The following CDH13 variants were observed in gnomAD, a reference collection of about 807,000 sequenced individuals.
CDH13 encodes the protein cadherin 13.
Under a neutral mutation model 63.8 loss-of-function variants are expected in CDH13, and 24 were observed. That is an observed-to-expected ratio of 0.38 (90% confidence interval 0.27 to 0.53). CDH13 has a LOEUF of 0.53. Among genes scored for constraint, CDH13 ranks in the 20% least tolerant of loss-of-function variants. The pLI is 0.85. For missense variants in CDH13, 1,049 were observed against 903.1 expected, an observed-to-expected ratio of 1.16 and a Z score of -2.07; for synonymous variants, 503 against 355.3, an observed-to-expected ratio of 1.42 and a Z score of -4.67.
In CDH13 at chr16:82,992,465, G is replaced by C. The variant is rs150959466; in HGVS notation, c.158-39545G>C. ...AGACTTTGGGCTCTACGTGCAGAGAGACTGGTTTACAACCAGTCAAGGGGC... is the reference window on the plus strand; with the variant it reads ...AGACTTTGGGCTCTACGTGCAGAGACACTGGTTTACAACCAGTCAAGGGGC... On this transcript the variant is annotated intron_variant, in intron 2 of 13. Coordinates refer to ENST00000567109, the MANE Select transcript of CDH13 (RefSeq NM_001257.5). 2.2e-3 allele frequency among the ~76,000 whole-genome samples: 329 copies of C among 152,264 alleles called. 1 individual carries two copies. Among genetic ancestry groups the C allele is most frequent in the East Asian group, 0.013 (68 of 5,184 alleles).
At chr16:83,591,098 A>G (rs960049766) in intron 7 of CDH13, among the ~76,000 whole-genome samples, 1 of 151,714 alleles carries the variant, frequency 6.6e-6, no homozygotes, top group African/African-American at 2.4e-5. Flanking sequence ...TTTAGTAGAG[A>G]TGGGGGTTCA....
chr16:83,032,416 A>G (rs1916449298), intron 3 of CDH13, 198 bp downstream of exon 3: 1 of 575,280 alleles, frequency 1.7e-6, no homozygotes, highest in Non-Finnish European at 3.1e-6. Context: ...TAATTGAGGC[A>G]TAGTTCGTGG....
At chr16:83,205,828 C>A (rs553469718) in intron 4 of CDH13, among the ~76,000 whole-genome samples, 18 of 152,190 alleles carry the variant, frequency 1.2e-4, no homozygotes, top group African/African-American at 4.1e-4. Context: ...TGGTCTCTAT[C>A]TCCTGACCTT....
chr16:82,775,457 A>C (rs1254610256), intron 1 of CDH13, among the ~76,000 whole-genome samples: 1 of 152,208 alleles, frequency 6.6e-6, no homozygotes, highest in African/African-American at 2.4e-5. Flanking sequence ...CACTCACCCC[A>C]TAGGCTGCAT....
chr16:83,216,871 G>C (rs4445885), intron 4 of CDH13, among the ~76,000 whole-genome samples: 110,965 of 151,486 alleles, frequency 0.73, 41,633 homozygotes, highest in East Asian at 0.92. Flanking sequence ...TGCTTCCTCT[G>C]CACCATGCCT....
At chr16:82,867,207 G>C (rs541485965) in intron 2 of CDH13, among the ~76,000 whole-genome samples, 1 of 152,276 alleles carries the variant, frequency 6.6e-6, no homozygotes, top group African/African-American at 2.4e-5. Flanking sequence ...CTTATAATTG[G>C]TGGTGTCAAA....
At chr16:83,321,013 C>G (rs2090212102) in intron 5 of CDH13, among the ~76,000 whole-genome samples, 1 of 152,174 alleles carries the variant, frequency 6.6e-6, no homozygotes, top group Admixed American at 6.5e-5. Flanking sequence ...CCATGTGATG[C>G]TACCAGGTGA....
chr16:83,522,171 A>G (rs1290525784), intron 7 of CDH13, among the ~76,000 whole-genome samples: 1 of 152,158 alleles, frequency 6.6e-6, no homozygotes, highest in Admixed American at 6.5e-5. Context: ...TTGCGCTTTA[A>G]TGTCATGTTT....
At chr16:83,545,866 T>G (rs1310758244) in intron 7 of CDH13, among the ~76,000 whole-genome samples, 1 of 152,176 alleles carries the variant, frequency 6.6e-6, no homozygotes, top group Non-Finnish European at 1.5e-5. Context: ...ATGGCTCCCT[T>G]TCTTTGAGCG....
intron 1 of CDH13, among the ~76,000 whole-genome samples, chr16:82,708,409 T>C (rs759614995): frequency 7.2e-5 from 11 of 152,186 alleles, no homozygotes; most frequent in East Asian, 1.9e-4. Flanking sequence ...CAGGAGCCTA[T>C]GGAGTTCAGA....
intron 6 of CDH13, among the ~76,000 whole-genome samples, chr16:83,431,241 G>A (rs965709370): frequency 4.0e-5 from 6 of 151,624 alleles, no homozygotes; most frequent in East Asian, 2.0e-4. Flanking sequence ...GGTTGGTTCC[G>A]AGTCTTTGCT....
intron 5 of CDH13, among the ~76,000 whole-genome samples, chr16:83,300,527 A>G (rs1226813266): frequency 6.6e-6 from 1 of 152,228 alleles, no homozygotes; most frequent in African/African-American, 2.4e-5. Context: ...TCTTTCTGCC[A>G]GTTCATGTGT....
At chr16:82,681,998 C>G (rs544184723) in intron 1 of CDH13, among the ~76,000 whole-genome samples, 1 of 152,200 alleles carries the variant, frequency 6.6e-6, no homozygotes, top group African/African-American at 2.4e-5. Context: ...CTGGTTTCTC[C>G]TTCACCTTCC....
chr16:83,635,337 T>C, intron 8 of CDH13, among the ~76,000 whole-genome samples: 4 of 55,164 alleles, frequency 7.3e-5, no homozygotes, highest in South Asian at 1.1e-3. Context: ...TCTTTCTTTT[T>C]TTTTTTTTTT....
chr16:83,121,713 A>T (rs973800662), intron 3 of CDH13, among the ~76,000 whole-genome samples: 1 of 152,158 alleles, frequency 6.6e-6, no homozygotes, highest in African/African-American at 2.4e-5. Context: ...GTCTTCCTTC[A>T]TACAGTTTTA....
intron 2 of CDH13, among the ~76,000 whole-genome samples, chr16:82,893,395 G>A (rs917608205): frequency 6.6e-6 from 1 of 152,250 alleles, no homozygotes; most frequent in East Asian, 1.9e-4. Flanking sequence ...AAAGAACTGA[G>A]TGTGCAAAGC....
chr16:83,764,793 T>C (rs1370096047), intron 11 of CDH13, among the ~76,000 whole-genome samples: 1 of 151,738 alleles, frequency 6.6e-6, no homozygotes, highest in African/African-American at 2.4e-5. Flanking sequence ...CCCTTTACTC[T>C]TGCATCCTGC....
At chr16:82,688,036 C>G (rs75269671) in intron 1 of CDH13, among the ~76,000 whole-genome samples, 88 of 152,282 alleles carry the variant, frequency 5.8e-4, no homozygotes, top group Non-Finnish European at 1.0e-3. Flanking sequence ...ATCTATATGG[C>G]AGCAATGGTT....
At chr16:82,899,103 G>T (rs1053695562) in intron 2 of CDH13, among the ~76,000 whole-genome samples, 3 of 152,190 alleles carry the variant, frequency 2.0e-5, no homozygotes, top group African/African-American at 7.2e-5. Flanking sequence ...CACTTCAGTT[G>T]TCTAGAGAAA....
Sources: allele counts gnomAD v4.1 joint callset (sites outside exome capture counted in the v4.1 genomes callset), GRCh38; gene constraint gnomAD v4.1.1; transcripts MANE v1.5; gene names NCBI Gene and HGNC (gene_info 2026-07-23, HGNC 2026-07-21).